YTHDC2: variants seen among roughly 807,000 people sequenced by gnomAD.
YTHDC2 encodes 3'-5' RNA helicase YTHDC2.
YTHDC2 carries 45 observed loss-of-function variants against 174.9 expected under a neutral mutation model. The ratio of observed to expected loss-of-function variants is 0.26; its 90% CI spans 0.20 to 0.33. YTHDC2 has a LOEUF of 0.33. Among genes scored for constraint, YTHDC2 ranks in the 10% least tolerant of loss-of-function variants. The pLI is 1.00. For synonymous variants in YTHDC2, 657 were observed against 574.5 expected, an observed-to-expected ratio of 1.14 and a Z score of -2.05; for missense variants, 1,650 against 1,723.7, an observed-to-expected ratio of 0.96 and a Z score of 0.76.
intron 26 of YTHDC2, among the ~76,000 whole-genome samples, chr5:113,586,792 G>C (rs1778702920): frequency 6.8e-6 from 1 of 147,546 alleles, no homozygotes; most frequent in Admixed American, 6.9e-5. Flanking sequence ...TGACACCTTT[G>C]TCAAAAATCA....
intron 10 of YTHDC2, among the ~76,000 whole-genome samples, chr5:113,544,902 A>G (rs1393331346): frequency 6.6e-6 from 1 of 152,120 alleles, no homozygotes; most frequent in African/African-American, 2.4e-5. Flanking sequence ...TAATTCAGCC[A>G]ACCCCATTGT....
chr5:113,566,948 A>G, intron 21 of YTHDC2, 144 bp from the exon 22 acceptor site: 1 of 953,732 alleles, frequency 1.0e-6, no homozygotes, highest in Non-Finnish European at 1.5e-6. Context: ...TCATATTTTA[A>G]ACAACTTTCC....
chr5:113,536,201 T>C (rs1735891545), intron 7 of YTHDC2, among the ~76,000 whole-genome samples: 1 of 152,162 alleles, frequency 6.6e-6, no homozygotes. Context: ...GCCACCAGTC[T>C]TTAAAAAAAT....
intron 26 of YTHDC2, among the ~76,000 whole-genome samples, chr5:113,589,395 T>A (rs1477342826): frequency 4.4e-5 from 5 of 114,484 alleles, no homozygotes; most frequent in Admixed American, 1.9e-4. Flanking sequence ...TTTTAAAAAT[T>A]AAAAAAAAAA....
At chr5:113,541,857 A>G (rs1173527090) in intron 9 of YTHDC2, among the ~76,000 whole-genome samples, 1 of 152,112 alleles carries the variant, frequency 6.6e-6, no homozygotes, top group African/African-American at 2.4e-5. Context: ...CATATAGTAT[A>G]GACTTATTTG....
intron 19 of YTHDC2, 96 bp from the exon 20 acceptor site, chr5:113,563,763 A>G (rs1288515045): frequency 2.9e-6 from 4 of 1,401,342 alleles, no homozygotes; most frequent in Non-Finnish European, 3.9e-6. Flanking sequence ...GCAAAAGAAA[A>G]TCTATATTCT....
intron 25 of YTHDC2, 152 bp downstream of exon 25, chr5:113,581,861 C>T: frequency 1.6e-6 from 1 of 619,652 alleles, no homozygotes; most frequent in Non-Finnish European, 2.4e-6. Flanking sequence ...AAAGAGTTTT[C>T]TACTTGTTCA....
intron 26 of YTHDC2, among the ~76,000 whole-genome samples, chr5:113,587,891 G>C (rs551894393): frequency 6.6e-6 from 1 of 151,706 alleles, no homozygotes; most frequent in Non-Finnish European, 1.5e-5. Context: ...TAATCCATAA[G>C]CATAGTATAT....
At chr5:113,551,032 G>T (rs1351205563) in intron 12 of YTHDC2, among the ~76,000 whole-genome samples, 3 of 151,982 alleles carry the variant, frequency 2.0e-5, no homozygotes, top group Admixed American at 2.0e-4. Context: ...TTATTCAAGA[G>T]CATATAAAAT....
intron 10 of YTHDC2, among the ~76,000 whole-genome samples, chr5:113,546,264 G>T (rs184896485): frequency 1.7e-3 from 257 of 152,196 alleles, no homozygotes; most frequent in Non-Finnish European, 2.9e-3. Context: ...CTTTCTTCCT[G>T]ATATTTCTTT....
chr5:113,592,077 G>T lies in YTHDC2; in HGVS notation c.4111G>T (p.Val1371Leu). 2 of 1,613,030 alleles carry T rather than the reference G, an allele frequency of 1.2e-6. No homozygotes were observed. Among genetic ancestry groups the T allele is most frequent in the Non-Finnish European group, 1.7e-6 (2 of 1,179,484 alleles). The change falls in exon 28 of 30, where the codon GTG becomes TTG. Residue 1371 changes from valine (V) to leucine (L), a missense_variant. Val to Leu is a conservative substitution (Grantham distance 32). Around this residue, in one of 5 missense-constraint regions of YTHDC2, gnomAD observed 913 missense variants for 940.4 expected, o/e 0.97. Coordinates refer to ENST00000161863, the MANE Select transcript of YTHDC2 (RefSeq NM_022828.5). ...TGCTGGACTAGGAGGAGTATTTAAG[G>T]TGGAGTGGATACGAAAAGAAAGCCT... ...GSAGLGGVFK[V>L]EWIRKESLPF...
Position 113,591,150 on chromosome 5 carries a change from C to T in YTHDC2, c.3935C>T (p.Thr1312Ile). 6.2e-7 allele frequency: 1 copy of T among 1,613,996 alleles called. No individual in the cohort carries two copies. The highest frequency in any genetic ancestry group is 8.5e-7 in the Non-Finnish European group (1 of 1,179,926). ...EISQQKGIWS[T>I]TPSNERKLNR... The stretch of plus-strand genomic sequence containing the variant: ...TCTCAACAGAAGGGTATCTGGTCTA[C>T]AACTCCTAGTAATGAACGGAAGCTA... Residue 1312 changes from threonine to isoleucine, a missense_variant, in exon 27 of 30, where the codon ACA becomes ATA. Thr to Ile is a moderately conservative substitution (Grantham distance 89). Transcript: ENST00000161863.
intron 2 of YTHDC2, among the ~76,000 whole-genome samples, chr5:113,517,223 C>T (rs150319112): frequency 1.3e-5 from 2 of 152,234 alleles, no homozygotes; most frequent in East Asian, 1.9e-4. Flanking sequence ...AGTTTAATCA[C>T]GTGATCACAT....
Position 113,513,860 on chromosome 5 carries a change from G to C in YTHDC2, c.-36G>C, listed in dbSNP as rs765016315. 4 of 1,557,232 alleles carry C rather than the reference G, an allele frequency of 2.6e-6. No homozygotes were observed. In the African/African-American group the frequency reaches 5.6e-5, roughly 22 times the overall value. On this transcript the variant is annotated 5_prime_UTR_variant, in exon 1 of 30. Transcript: ENST00000161863. ...CATTGGCTGTCAGCTAGCAGGCCTG[G>C]CCGCTCCCGTGCGGAGAGACCATCT...
intron 4 of YTHDC2, among the ~76,000 whole-genome samples, chr5:113,528,169 A>G (rs939740246): frequency 2.0e-5 from 3 of 152,218 alleles, no homozygotes; most frequent in Admixed American, 2.0e-4. Context: ...TGTCCTTGCT[A>G]ATGATATCTA....
chr5:113,574,388 A>G (rs1200201594), intron 23 of YTHDC2, among the ~76,000 whole-genome samples: 1 of 152,142 alleles, frequency 6.6e-6, no homozygotes, highest in African/African-American at 2.4e-5. Context: ...ATGCATCTGT[A>G]GGAGGTGACT....
intron 26 of YTHDC2, among the ~76,000 whole-genome samples, chr5:113,589,395 TA>T (rs1156968093): frequency 0.048 from 5,538 of 114,408 alleles, 230 homozygotes; most frequent in African/African-American, 0.083. Context: ...TTTTAAAAAT[TA>T]AAAAAAAAAA....
chr5:113,580,025 T>G, intron 24 of YTHDC2: 116 of 722,688 alleles, frequency 1.6e-4, no homozygotes, highest in South Asian at 1.9e-4. Flanking sequence ...TGACGTCGGT[T>G]GAGGGCTGCT....
chr5:113,539,451 T>C (rs1315705392), intron 8 of YTHDC2, among the ~76,000 whole-genome samples: 1 of 152,162 alleles, frequency 6.6e-6, no homozygotes, highest in Non-Finnish European at 1.5e-5. Context: ...TTTAAGGAGA[T>C]AGAAGAATAT....
Sources: gnomAD v4.1 joint callset for allele counts (sites outside exome capture counted in the v4.1 genomes callset) on GRCh38, gnomAD v4.1.1 for gene constraint, gnomAD v4.1.1 regional missense constraint, MANE v1.5 for transcripts, NCBI Gene and HGNC (gene_info 2026-07-23, HGNC 2026-07-21) for gene names.